Variants in NOL10 observed in about 807,000 individuals in gnomAD.
NOL10 encodes the protein H_NH0074G24.1.
In NOL10, 58 loss-of-function variants were observed where a neutral mutation model predicts 103.5. The ratio of observed to expected loss-of-function variants is 0.56; its 90% CI spans 0.45 to 0.70. NOL10 has a LOEUF of 0.70. Among genes scored for constraint, NOL10 ranks in the 30% least tolerant of loss-of-function variants. The pLI is 0.00. For missense variants in NOL10, 763 were observed against 807.3 expected (o/e 0.95, Z 0.67); for synonymous variants, 287 against 282.5 (o/e 1.02, Z -0.16).
At chr2:10,618,125 C>T (rs1676932176) in intron 13 of NOL10, among the ~76,000 whole-genome samples, 1 of 151,958 alleles carries the variant, frequency 6.6e-6, no homozygotes, top group African/African-American at 2.4e-5. Flanking sequence ...GATCCTCTCA[C>T]CTCAGCCTCC....
At chr2:10,678,739 C>T (rs61167760) in intron 3 of NOL10, among the ~76,000 whole-genome samples, 2,269 of 152,124 alleles carry the variant, frequency 0.015, 69 homozygotes, top group African/African-American at 0.051. Flanking sequence ...GGATAGATAC[C>T]GAGATTGAAA....
At chr2:10,678,168 C>T (rs1681460366) in intron 3 of NOL10, among the ~76,000 whole-genome samples, 1 of 152,020 alleles carries the variant, frequency 6.6e-6, no homozygotes, top group South Asian at 2.1e-4. Flanking sequence ...CCTGCCTCTG[C>T]CTCGTGAGTA....
chr2:10,685,119 T>C (rs1682061431), intron 1 of NOL10, among the ~76,000 whole-genome samples: 2 of 152,210 alleles, frequency 1.3e-5, no homozygotes, highest in African/African-American at 4.8e-5. Flanking sequence ...TATGGAACAA[T>C]TTAATCTATT....
intron 3 of NOL10, among the ~76,000 whole-genome samples, chr2:10,678,421 TAAAA>T (rs34336101): frequency 8.6e-6 from 1 of 116,708 alleles, no homozygotes; most frequent in African/African-American, 2.9e-5. Context: ...AAAAAAGTGG[TAAAA>T]AAAAAAAAAA....
chr2:10,595,373 T>G (rs1310383822), intron 17 of NOL10, among the ~76,000 whole-genome samples: 1 of 152,066 alleles, frequency 6.6e-6, no homozygotes, highest in African/African-American at 2.4e-5. Context: ...TGGAGTGCAG[T>G]GGCACAACCA....
intron 13 of NOL10, among the ~76,000 whole-genome samples, chr2:10,634,027 T>C (rs1268279195): frequency 6.6e-6 from 1 of 152,016 alleles, no homozygotes; most frequent in Admixed American, 6.6e-5. Context: ...GGGGTCTCAC[T>C]ATGTTGCCCA....
At chr2:10,585,971 G>T (rs891311128) in intron 19 of NOL10, among the ~76,000 whole-genome samples, 1 of 152,168 alleles carries the variant, frequency 6.6e-6, no homozygotes, top group African/African-American at 2.4e-5. Flanking sequence ...GCTACAACAC[G>T]GATGAACATT....
intron 3 of NOL10, among the ~76,000 whole-genome samples, chr2:10,677,957 A>T (rs1414201324): frequency 8.4e-6 from 1 of 118,578 alleles, no homozygotes; most frequent in Non-Finnish European, 2.0e-5. Flanking sequence ...ACATAATTTT[A>T]TGTGCACACA....
chr2:10,610,596 G>C (rs1676512939), intron 13 of NOL10, among the ~76,000 whole-genome samples: 1 of 152,120 alleles, frequency 6.6e-6, no homozygotes, highest in African/African-American at 2.4e-5. Flanking sequence ...ATAAAATGCA[G>C]GTTTTATCCA....
intron 13 of NOL10, among the ~76,000 whole-genome samples, chr2:10,628,302 CA>C (rs2148237055): frequency 6.6e-6 from 1 of 152,284 alleles, no homozygotes; most frequent in Admixed American, 6.5e-5. Flanking sequence ...TGAAGAGCCC[CA>C]AGACAGCCCC....
At chr2:10,616,060 C>A (rs541177050) in intron 13 of NOL10, among the ~76,000 whole-genome samples, 14 of 152,200 alleles carry the variant, frequency 9.2e-5, no homozygotes, top group African/African-American at 2.6e-4. Flanking sequence ...GTCCACTCTA[C>A]CAGCCCAAAC....
chr2:10,603,304 C>T, intron 14 of NOL10, 147 bp from the exon 15 acceptor site: 1 of 621,024 alleles, frequency 1.6e-6, no homozygotes, highest in Non-Finnish European at 2.9e-6. Context: ...TCTTTGATAT[C>T]TATAGAGAAC....
chr2:10,669,481 T>TATAC (rs1229517673), intron 6 of NOL10, among the ~76,000 whole-genome samples: 57 of 132,430 alleles, frequency 4.3e-4, no homozygotes, highest in Middle Eastern at 4.0e-3. Flanking sequence ...TATATATATA[T>TATAC]ACACACACAC....
chr2:10,671,755 T>TA (rs1295293293), intron 5 of NOL10, 65 bp from the exon 6 acceptor site: 37 of 1,288,462 alleles, frequency 2.9e-5, no homozygotes, highest in Non-Finnish European at 3.5e-5. Context: ...TCATTATCGC[T>TA]AAAAAACTGG....
chr2:10,673,029 CA>C (rs1558345417), intron 5 of NOL10, among the ~76,000 whole-genome samples: 1 of 151,752 alleles, frequency 6.6e-6, no homozygotes, highest in Admixed American at 6.6e-5. Context: ...CTAATGGCAC[CA>C]AAAAAGAGAA....
At chr2:10,677,153 G>A (rs1225681353) in intron 3 of NOL10, among the ~76,000 whole-genome samples, 1 of 152,066 alleles carries the variant, frequency 6.6e-6, no homozygotes, top group Non-Finnish European at 1.5e-5. Context: ...TGGCCAGGCT[G>A]GTCTTGAACT....
intron 8 of NOL10, among the ~76,000 whole-genome samples, chr2:10,664,552 G>T (rs779956923): frequency 6.6e-6 from 1 of 152,228 alleles, no homozygotes; most frequent in Non-Finnish European, 1.5e-5. Flanking sequence ...GTCGTTGTTT[G>T]TGTGTTTGAG....
intron 14 of NOL10, chr2:10,604,575 G>A (rs530647452): frequency 6.6e-6 from 1 of 152,294 alleles, no homozygotes; most frequent in African/African-American, 2.4e-5. Flanking sequence ...ACAACTGCAC[G>A]TGTATATTCT....
chr2:10,607,318 G>A lies in NOL10; in HGVS notation c.1027-7C>T. On this transcript the variant is annotated splice_polypyrimidine_tract_variant and splice_region_variant and intron_variant, in intron 13 of 20. Transcript: ENST00000381685. ...GAGGAGCAGGACCCAAAACCTGTTG[G>A]TGTTTATGAGAAGGTCAGCAAAGGC... is the stretch of plus-strand genomic sequence containing the variant. The A allele has an allele frequency of 1.3e-6, 2 of 1,591,828 alleles. No individual in the cohort carries two copies. The highest frequency in any genetic ancestry group is 2.7e-5 in the African/African-American group (2 of 73,714).
Sources: gnomAD v4.1 joint callset for allele counts (sites outside exome capture counted in the v4.1 genomes callset) on GRCh38, gnomAD v4.1.1 for gene constraint, MANE v1.5 for transcripts, NCBI Gene and HGNC (gene_info 2026-07-23, HGNC 2026-07-21) for gene names.